Variants in SNTG2 observed in about 807,000 individuals in gnomAD.
SNTG2 encodes syntrophin gamma 2, also known as gamma-2-syntrophin.
Under a neutral mutation model 70.9 loss-of-function variants are expected in SNTG2, and 74 were observed. That is an observed-to-expected ratio of 1.04 (90% CI 0.86 to 1.27). The LOEUF is 1.27. SNTG2 is among the 50% of genes most tolerant of loss of function. The pLI is 0.00. For synonymous variants in SNTG2, 278 were observed against 273.8 expected (o/e 1.02, Z -0.15); for missense variants, 717 against 690.7 (o/e 1.04, Z -0.43).
intron 16 of SNTG2, among the ~76,000 whole-genome samples, chr2:1,354,193 A>T (rs952559710): frequency 5.3e-5 from 8 of 152,182 alleles, no homozygotes; most frequent in African/African-American, 1.4e-4. Flanking sequence ...GAGGAAAATG[A>T]CAGGGCTGTA....
In SNTG2 at chr2:970,282, T is replaced by A. The variant is rs140687777; in HGVS notation, c.72+19214T>A. ...TTTGTTAATATTTGAGGATTTTTTTTAATTATTTAAGTTGTAGGGTACATG... is the reference window on the plus strand; with the variant it reads ...TTTGTTAATATTTGAGGATTTTTTTAAATTATTTAAGTTGTAGGGTACATG... On this transcript the variant is annotated intron_variant, in intron 1 of 16. Transcript: ENST00000308624. Among the ~76,000 whole-genome samples, 1,062 of 152,276 alleles carry A rather than the reference T, an allele frequency of 7.0e-3. 14 individuals carry two copies. Among genetic ancestry groups the A allele is most frequent in the African/African-American group, 0.019 (790 of 41,554 alleles).
chr2:958,599 A>C (rs1002933357), intron 1 of SNTG2, among the ~76,000 whole-genome samples: 1 of 152,240 alleles, frequency 6.6e-6, no homozygotes, highest in Non-Finnish European at 1.5e-5. Context: ...AAAACCTCTA[A>C]AGTCACCATT....
chr2:1,348,961 T>A (rs1303918221), intron 16 of SNTG2, among the ~76,000 whole-genome samples: 1 of 152,208 alleles, frequency 6.6e-6, no homozygotes, highest in Non-Finnish European at 1.5e-5. Flanking sequence ...AAACAGCCAA[T>A]ACAATGAGAC....
chr2:1,035,719 T>C (rs946995257), intron 1 of SNTG2, among the ~76,000 whole-genome samples: 4 of 152,218 alleles, frequency 2.6e-5, no homozygotes, highest in Non-Finnish European at 5.9e-5. Context: ...ACGATCCTCC[T>C]TTTGGGGTTC....
At chr2:1,237,052 C>T (rs1471970973) in intron 9 of SNTG2, among the ~76,000 whole-genome samples, 4 of 151,554 alleles carry the variant, frequency 2.6e-5, no homozygotes, top group African/African-American at 4.9e-5. Context: ...AGGAGATTCT[C>T]CTGCCGTAGC....
At chr2:1,102,049 C>T (rs1352723705) in intron 4 of SNTG2, among the ~76,000 whole-genome samples, 1 of 152,172 alleles carries the variant, frequency 6.6e-6, no homozygotes, top group African/African-American at 2.4e-5. Context: ...CTTCTCGGGC[C>T]ATCCGCAGAG....
At chr2:1,223,430 G>T (rs1675498464) in intron 9 of SNTG2, among the ~76,000 whole-genome samples, 1 of 151,928 alleles carries the variant, frequency 6.6e-6, no homozygotes, top group Non-Finnish European at 1.5e-5. Context: ...TGTCCTGCCT[G>T]CAGCCCGGGC....
chr2:1,132,260 C>CACAT (rs1231215396), intron 4 of SNTG2, among the ~76,000 whole-genome samples: 1 of 151,664 alleles, frequency 6.6e-6, no homozygotes, highest in Admixed American at 6.6e-5. Flanking sequence ...CACACACACA[C>CACAT]ACATACATAC....
intron 2 of SNTG2, among the ~76,000 whole-genome samples, chr2:1,095,362 A>T (rs994069777): frequency 6.6e-6 from 1 of 152,216 alleles, no homozygotes; most frequent in Non-Finnish European, 1.5e-5. Context: ...TAAATACCTA[A>T]ATGGCTAGTA....
intron 1 of SNTG2, among the ~76,000 whole-genome samples, chr2:955,153 A>G (rs1660101304): frequency 6.6e-6 from 1 of 152,352 alleles, no homozygotes; most frequent in African/African-American, 2.4e-5. Context: ...ATACTTTGTA[A>G]AGAAACTGCA....
intron 8 of SNTG2, among the ~76,000 whole-genome samples, chr2:1,178,203 T>C (rs116830446): frequency 0.025 from 3,789 of 152,232 alleles, 141 homozygotes; most frequent in African/African-American, 0.087. Context: ...ATTTAAAGCA[T>C]TGTGACAATG....
At chr2:1,189,564 C>CTTTT (rs370771654) in intron 8 of SNTG2, among the ~76,000 whole-genome samples, 15 of 148,130 alleles carry the variant, frequency 1.0e-4, no homozygotes, top group African/African-American at 3.7e-4. Context: ...GGGACTCTAA[C>CTTTT]TTTTTTTTTT....
intron 1 of SNTG2, among the ~76,000 whole-genome samples, chr2:1,022,721 A>T (rs1436669010): frequency 2.6e-5 from 4 of 152,140 alleles, no homozygotes; most frequent in Admixed American, 2.6e-4. Context: ...AAGGGATTGC[A>T]TTGGGATTGG....
chr2:955,048 G>C (rs796845896), intron 1 of SNTG2, among the ~76,000 whole-genome samples: 5 of 152,278 alleles, frequency 3.3e-5, no homozygotes, highest in African/African-American at 1.2e-4. Flanking sequence ...CTAAACATTT[G>C]TAAAATGTAA....
chr2:1,238,059 G>C (rs763116497), intron 10 of SNTG2, 42 bp downstream of exon 10: 2 of 1,572,936 alleles, frequency 1.3e-6, no homozygotes, highest in African/African-American at 2.7e-5. Context: ...ATGCTCATTC[G>C]TGCATGAAAA....
intron 1 of SNTG2, among the ~76,000 whole-genome samples, chr2:1,026,310 A>G (rs1042243712): frequency 6.6e-6 from 1 of 152,198 alleles, no homozygotes; most frequent in Non-Finnish European, 1.5e-5. Context: ...ACTTAGCGTG[A>G]ACACTGAAGA....
chr2:1,016,994 G>A (rs113261926), intron 1 of SNTG2, among the ~76,000 whole-genome samples: 1 of 152,180 alleles, frequency 6.6e-6, no homozygotes, highest in Non-Finnish European at 1.5e-5. Context: ...GTTGGCCAGG[G>A]TCTCAGAGCT....
intron 12 of SNTG2, among the ~76,000 whole-genome samples, chr2:1,255,809 CAA>C (rs2148152781): frequency 1.8e-5 from 2 of 110,804 alleles, no homozygotes; most frequent in African/African-American, 6.3e-5. Context: ...TATATATACA[CAA>C]AGTTGTATGT....
At chr2:1,094,480 T>C (rs1665249928) in intron 2 of SNTG2, among the ~76,000 whole-genome samples, 1 of 71,680 alleles carries the variant, frequency 1.4e-5, no homozygotes, top group Admixed American at 1.6e-4. Context: ...GCCTTATAGG[T>C]GTGTCCTCAT....
Sources: allele counts gnomAD v4.1 joint callset (sites outside exome capture counted in the v4.1 genomes callset), GRCh38; gene constraint gnomAD v4.1.1; transcripts MANE v1.5; gene names NCBI Gene and HGNC (gene_info 2026-07-23, HGNC 2026-07-21).